Variants in PCED1B observed in about 807,000 individuals in gnomAD.
PCED1B encodes PC-esterase domain containing 1B, also known as PC-esterase domain-containing protein 1B.
For missense variants in PCED1B, 573 were observed against 573.9 expected (o/e 1.00, Z 0.02); for synonymous variants, 251 against 246.1 (o/e 1.02, Z -0.19).
chr12:47,144,740 T>C (rs569314671), intron 2 of PCED1B, among the ~76,000 whole-genome samples: 1 of 152,314 alleles, frequency 6.6e-6, no homozygotes, highest in East Asian at 1.9e-4. Context: ...TATGGTATTA[T>C]CATCCTACAG....
intron 2 of PCED1B, among the ~76,000 whole-genome samples, chr12:47,144,077 C>T (rs1810037598): frequency 6.6e-6 from 1 of 152,080 alleles, no homozygotes; most frequent in Non-Finnish European, 1.5e-5. Context: ...GAAACCATGC[C>T]CCCACAGCTC....
At chr12:47,160,054 G>A (rs865791120) in intron 2 of PCED1B, among the ~76,000 whole-genome samples, 8 of 151,984 alleles carry the variant, frequency 5.3e-5, no homozygotes, top group East Asian at 1.9e-4. Flanking sequence ...CTGCAAATAC[G>A]TGGATTTATT....
At chr12:47,118,584 G>A (rs2137295446) in intron 2 of PCED1B, among the ~76,000 whole-genome samples, 1 of 152,274 alleles carries the variant, frequency 6.6e-6, no homozygotes, top group East Asian at 1.9e-4. Flanking sequence ...TGTTGTTTTG[G>A]TTACTGTAAC....
At chr12:47,089,122 A>C (rs1055086718) in intron 1 of PCED1B, among the ~76,000 whole-genome samples, 1 of 152,004 alleles carries the variant, frequency 6.6e-6, no homozygotes, top group African/African-American at 2.4e-5. Context: ...CCCAGGGCTA[A>C]TTTTACACAT....
intron 2 of PCED1B, among the ~76,000 whole-genome samples, chr12:47,162,123 G>A (rs572358635): frequency 8.8e-5 from 13 of 147,604 alleles, no homozygotes; most frequent in Non-Finnish European, 1.5e-4. Context: ...TGGGGTGGTG[G>A]GGGGGGGAAG....
At chr12:47,220,088 A>AAAGAAGAAGAAGAAG (rs1555155818) in intron 3 of PCED1B, among the ~76,000 whole-genome samples, 8 of 133,184 alleles carry the variant, frequency 6.0e-5, no homozygotes, top group East Asian at 4.2e-4. Flanking sequence ...AAAAAAAAAA[A>AAAGAAGAAGAAGAAG]AAGAAGAAGA....
At chr12:47,161,705 C>T (rs926213476) in intron 2 of PCED1B, among the ~76,000 whole-genome samples, 6 of 152,114 alleles carry the variant, frequency 3.9e-5, no homozygotes, top group Admixed American at 1.3e-4. Context: ...GACAGTGTGG[C>T]GATTCCTCAA....
At chr12:47,212,569 T>G (rs1009106766) in intron 2 of PCED1B, among the ~76,000 whole-genome samples, 1 of 152,200 alleles carries the variant, frequency 6.6e-6, no homozygotes, top group Non-Finnish European at 1.5e-5. Context: ...TAACGATGAT[T>G]TCTGTCATCT....
chr12:47,198,325 C>A (rs1205024590), intron 2 of PCED1B, among the ~76,000 whole-genome samples: 2 of 152,080 alleles, frequency 1.3e-5, no homozygotes, highest in Non-Finnish European at 2.9e-5. Flanking sequence ...CGCAGAAAAG[C>A]ACTTGACAAA....
intron 2 of PCED1B, among the ~76,000 whole-genome samples, chr12:47,157,509 G>A (rs1941232910): frequency 6.6e-6 from 1 of 152,156 alleles, no homozygotes; most frequent in Non-Finnish European, 1.5e-5. Flanking sequence ...AAGGTCACGT[G>A]GCTGCAGTGA....
chr12:47,228,641 G>A (rs887141386), intron 3 of PCED1B, among the ~76,000 whole-genome samples: 5 of 152,038 alleles, frequency 3.3e-5, no homozygotes, highest in African/African-American at 7.2e-5. Context: ...AGGCCAAGGC[G>A]GGCAGATCAT....
At chr12:47,215,028 G>A (rs904338155) in intron 2 of PCED1B, among the ~76,000 whole-genome samples, 27 of 148,158 alleles carry the variant, frequency 1.8e-4, no homozygotes, top group African/African-American at 6.5e-4. Context: ...CTGGGATTAC[G>A]GGAACCTGGG....
intron 2 of PCED1B, among the ~76,000 whole-genome samples, chr12:47,185,179 C>G (rs1024620917): frequency 2.6e-5 from 4 of 152,164 alleles, no homozygotes; most frequent in Non-Finnish European, 2.9e-5. Flanking sequence ...GATATCCTAA[C>G]CCAGATACCT....
chr12:47,158,760 C>T (rs1941276515), intron 2 of PCED1B, among the ~76,000 whole-genome samples: 5 of 152,150 alleles, frequency 3.3e-5, no homozygotes, highest in African/African-American at 1.2e-4. Flanking sequence ...GTATTTATCA[C>T]TTCTATGTGT....
At chr12:47,127,328 A>G (rs1396204653) in intron 2 of PCED1B, among the ~76,000 whole-genome samples, 1 of 151,200 alleles carries the variant, frequency 6.6e-6, no homozygotes, top group Non-Finnish European at 1.5e-5. Flanking sequence ...TTAGTTTCCA[A>G]ATACTTGAGA....
chr12:47,186,475 G>A (rs564150719), intron 2 of PCED1B, among the ~76,000 whole-genome samples: 3 of 152,136 alleles, frequency 2.0e-5, no homozygotes, highest in African/African-American at 7.2e-5. Context: ...ACTGGTAGGG[G>A]GGTAGAGGGG....
At chr12:47,124,362 T>C (rs1390922193) in intron 2 of PCED1B, among the ~76,000 whole-genome samples, 1 of 152,078 alleles carries the variant, frequency 6.6e-6, no homozygotes, top group Non-Finnish European at 1.5e-5. Flanking sequence ...TACTCCTTTT[T>C]ATTGCTGAAC....
intron 1 of PCED1B, among the ~76,000 whole-genome samples, chr12:47,097,722 C>T (rs183240845): frequency 1.3e-5 from 2 of 152,240 alleles, no homozygotes; most frequent in East Asian, 1.9e-4. Context: ...GGAGGCTATA[C>T]GACTCTTCTG....
chr12:47,089,923 A>G (rs1938190710), intron 1 of PCED1B, among the ~76,000 whole-genome samples: 1 of 151,976 alleles, frequency 6.6e-6, no homozygotes, highest in Admixed American at 6.5e-5. Context: ...ACAGGCACAC[A>G]CACCATGCCC....
Sources: allele counts gnomAD v4.1 joint callset (sites outside exome capture counted in the v4.1 genomes callset), GRCh38; gene constraint gnomAD v4.1.1; transcripts MANE v1.5; gene names NCBI Gene and HGNC (gene_info 2026-07-23, HGNC 2026-07-21).